MIR2052HG: variants seen among roughly 807,000 people sequenced by gnomAD.
The protein encoded by MIR2052HG is MIR2052 host gene.
intron 2 of MIR2052HG, among the ~76,000 whole-genome samples, chr8:74,627,092 A>G (rs1563516902): frequency 6.6e-6 from 1 of 152,148 alleles, no homozygotes. Context: ...TCTCCAACAC[A>G]TATTCACCTT....
At chr8:74,603,085 A>G (rs1378456805) in intron 1 of MIR2052HG, among the ~76,000 whole-genome samples, 1 of 151,400 alleles carries the variant, frequency 6.6e-6, no homozygotes, top group African/African-American at 2.4e-5. Flanking sequence ...AAAACTAAAT[A>G]TGGATCTCAG....
chr8:74,645,837 C>T (rs984274693), intron 2 of MIR2052HG, among the ~76,000 whole-genome samples: 80 of 152,220 alleles, frequency 5.3e-4, no homozygotes, highest in Admixed American at 5.2e-3. Context: ...TCAGCTTCCT[C>T]TATCTGATTT....
chr8:74,645,550 A>G (rs1334569083), intron 2 of MIR2052HG, among the ~76,000 whole-genome samples: 1 of 152,190 alleles, frequency 6.6e-6, no homozygotes, highest in Non-Finnish European at 1.5e-5. Flanking sequence ...CTCCCAAAGT[A>G]CTGGGATTAC....
chr8:74,741,170 A>G (rs1257069944), intron 4 of MIR2052HG, among the ~76,000 whole-genome samples: 1 of 152,230 alleles, frequency 6.6e-6, no homozygotes, highest in East Asian at 1.9e-4. Flanking sequence ...ATTTAAAGCC[A>G]AGAGCTTTGG....
chr8:74,721,514 G>A (rs542209491), intron 4 of MIR2052HG, among the ~76,000 whole-genome samples: 4 of 152,294 alleles, frequency 2.6e-5, no homozygotes, highest in African/African-American at 7.2e-5. Flanking sequence ...CCTCTTATCT[G>A]TTGGAGGTTT....
chr8:74,708,405 C>T (rs1424335593), intron 4 of MIR2052HG, among the ~76,000 whole-genome samples: 8 of 152,136 alleles, frequency 5.3e-5, no homozygotes, highest in Admixed American at 5.2e-4. Context: ...GCTTGGGCAA[C>T]TTGTCAATGA....
intron 2 of MIR2052HG, among the ~76,000 whole-genome samples, chr8:74,664,642 T>A (rs529935767): frequency 6.6e-6 from 1 of 152,152 alleles, no homozygotes; most frequent in South Asian, 2.1e-4. Flanking sequence ...CTCAGCCTCC[T>A]GAGTAGCTGG....
chr8:74,616,566 G>A (rs1808285404), intron 2 of MIR2052HG, among the ~76,000 whole-genome samples: 1 of 151,382 alleles, frequency 6.6e-6, no homozygotes, highest in South Asian at 2.1e-4. Context: ...TATAATTGCA[G>A]TATTCTATTT....
chr8:74,624,989 T>C (rs1001750127), intron 2 of MIR2052HG, among the ~76,000 whole-genome samples: 1 of 152,144 alleles, frequency 6.6e-6, no homozygotes, highest in Non-Finnish European at 1.5e-5. Flanking sequence ...TCACAAACCA[T>C]ATGGATCCAG....
chr8:74,696,996 A>C (rs1425097814), intron 2 of MIR2052HG, among the ~76,000 whole-genome samples: 1 of 152,044 alleles, frequency 6.6e-6, no homozygotes, highest in Non-Finnish European at 1.5e-5. Context: ...TTATCACCGT[A>C]ACACCAAAAC....
At chr8:74,600,350 C>T (rs182597867) in intron 1 of MIR2052HG, among the ~76,000 whole-genome samples, 7 of 151,152 alleles carry the variant, frequency 4.6e-5, no homozygotes, top group Admixed American at 1.3e-4. Context: ...TTTGAGAGGC[C>T]GAGGTGGGCG....
At chr8:74,632,685 G>C (rs963976449) in intron 2 of MIR2052HG, among the ~76,000 whole-genome samples, 2 of 152,136 alleles carry the variant, frequency 1.3e-5, no homozygotes, top group Admixed American at 6.6e-5. Context: ...CCAATATTCT[G>C]TATGTAATTC....
At chr8:74,611,165 A>G (rs1808189187) in intron 1 of MIR2052HG, among the ~76,000 whole-genome samples, 1 of 152,144 alleles carries the variant, frequency 6.6e-6, no homozygotes, top group African/African-American at 2.4e-5. Flanking sequence ...AAATATTTGA[A>G]TAGACGCTAC....
At chr8:74,637,503 A>G (rs901719991) in intron 2 of MIR2052HG, among the ~76,000 whole-genome samples, 4 of 152,180 alleles carry the variant, frequency 2.6e-5, no homozygotes, top group African/African-American at 9.7e-5. Flanking sequence ...TATCTTCAGA[A>G]AAACACAGCC....
chr8:74,649,432 G>T (rs1455288630), intron 2 of MIR2052HG, among the ~76,000 whole-genome samples: 1 of 152,084 alleles, frequency 6.6e-6, no homozygotes, highest in Non-Finnish European at 1.5e-5. Context: ...GAGGAAGACA[G>T]TTCTAAAAAG....
intron 2 of MIR2052HG, among the ~76,000 whole-genome samples, chr8:74,613,397 G>C (rs999956265): frequency 6.6e-6 from 1 of 152,192 alleles, no homozygotes; most frequent in African/African-American, 2.4e-5. Flanking sequence ...TTTTAGGCCA[G>C]TGACAATGAC....
chr8:74,622,993 A>C (rs567305142), intron 2 of MIR2052HG, among the ~76,000 whole-genome samples: 78 of 152,306 alleles, frequency 5.1e-4, no homozygotes, highest in Middle Eastern at 3.4e-3. Context: ...AAGGAGACTG[A>C]GGGCAGGGTA....
chr8:74,649,190 GAAAT>G (rs748398329), intron 2 of MIR2052HG, among the ~76,000 whole-genome samples: 1 of 152,116 alleles, frequency 6.6e-6, no homozygotes, highest in African/African-American at 2.4e-5. Context: ...AGAAAGAGAA[GAAAT>G]AAATAAATAA....
chr8:74,660,477 A>C (rs1044705739), intron 2 of MIR2052HG, among the ~76,000 whole-genome samples: 1 of 152,236 alleles, frequency 6.6e-6, no homozygotes, highest in Non-Finnish European at 1.5e-5. Flanking sequence ...CGGGTGGTTC[A>C]GGCTTCAGTG....
Sources: allele counts gnomAD v4.1 joint callset (sites outside exome capture counted in the v4.1 genomes callset), GRCh38; gene constraint gnomAD v4.1.1; transcripts MANE v1.5; gene names NCBI Gene and HGNC (gene_info 2026-07-23, HGNC 2026-07-21).